The following CACNB2 variants were observed in gnomAD, a reference collection of about 807,000 sequenced individuals.
CACNB2 encodes the protein voltage-dependent L-type calcium channel subunit beta-2.
A neutral mutation model predicts 73.3 loss-of-function variants in CACNB2; 42 were observed. The observed-to-expected ratio is 0.57, with a 90% CI of 0.45 to 0.74. CACNB2 has a LOEUF of 0.74. CACNB2 is among the 30% of genes least tolerant of loss of function. CACNB2 has a pLI of 0.00. For missense variants in CACNB2, 940 were observed against 853.0 expected (o/e 1.10, Z -1.27); for synonymous variants, 348 against 310.3 (o/e 1.12, Z -1.28).
At chr10:18,248,356 GA>G (rs905129424) in intron 2 of CACNB2, among the ~76,000 whole-genome samples, 24 of 152,234 alleles carry the variant, frequency 1.6e-4, no homozygotes, top group African/African-American at 4.8e-4. Flanking sequence ...AAGAATAATG[GA>G]ATACTTCTGT....
chr10:18,334,410 A>G (rs551245365), intron 2 of CACNB2, among the ~76,000 whole-genome samples: 57 of 152,198 alleles, frequency 3.7e-4, no homozygotes, highest in African/African-American at 1.3e-3. Flanking sequence ...CTCCTCCTGC[A>G]TTTTGCCTCT....
rs563632971 is a variant in CACNB2, at chr10:18,183,827, G to A, written c.213+32852G>A. ...CTAGGAGGCCGAGTGGTACAATGGT[G>A]TAGTGGTGCATAGTACAGGTAGTTC... On this transcript the variant is annotated intron_variant, in intron 2 of 13. Transcript: ENST00000324631. Among the ~76,000 whole-genome samples the A allele has an allele frequency of 6.6e-5, 10 of 152,304 alleles. No individual in the cohort carries two copies. The East Asian group carries it at 1.9e-3, about 29-fold the overall frequency.
intron 9 of CACNB2, among the ~76,000 whole-genome samples, chr10:18,521,168 T>C (rs1345213074): frequency 6.6e-6 from 1 of 152,232 alleles, no homozygotes; most frequent in African/African-American, 2.4e-5. Context: ...AATTGAAACC[T>C]GTAGCAGTAA....
At chr10:18,341,233 G>C (rs146363841) in intron 2 of CACNB2, among the ~76,000 whole-genome samples, 1 of 152,030 alleles carries the variant, frequency 6.6e-6, no homozygotes, top group Non-Finnish European at 1.5e-5. Flanking sequence ...AGAGAGTCCC[G>C]GTGCAGACAA....
chr10:18,223,301 C>T (rs1271526162), intron 2 of CACNB2, among the ~76,000 whole-genome samples: 1 of 152,122 alleles, frequency 6.6e-6, no homozygotes, highest in Non-Finnish European at 1.5e-5. Flanking sequence ...TAAATAATTA[C>T]AACTCCACAG....
intron 2 of CACNB2, among the ~76,000 whole-genome samples, chr10:18,354,204 G>C (rs1475211427): frequency 6.6e-6 from 1 of 152,150 alleles, no homozygotes; most frequent in Non-Finnish European, 1.5e-5. Flanking sequence ...CTTAAAAATA[G>C]CAAAGCACTG....
intron 2 of CACNB2, among the ~76,000 whole-genome samples, chr10:18,267,515 A>G (rs2037865178): frequency 6.6e-6 from 1 of 152,196 alleles, no homozygotes; most frequent in Non-Finnish European, 1.5e-5. Context: ...CTGAGGCATG[A>G]GAATCACTTG....
At chr10:18,424,775 T>C (rs887030630) in intron 3 of CACNB2, among the ~76,000 whole-genome samples, 3 of 152,258 alleles carry the variant, frequency 2.0e-5, no homozygotes, top group African/African-American at 7.2e-5. Flanking sequence ...ATTAAATGTG[T>C]AAAATTCATT....
rs1393549197 is a variant in CACNB2, at chr10:18,542,889, T to G, written c.*3165T>G. On this transcript the variant is annotated 3_prime_UTR_variant, in exon 14 of 14. Transcript: ENST00000324631. ...GGAAATGTATTTAATAGTTTTTTTT[T>G]TTTTTTTTTTTGGTCATATCCATTT... The G allele has an allele frequency of 6.6e-6, 1 of 151,522 alleles. No individual in the cohort carries two copies. The highest frequency in any genetic ancestry group is 1.5e-5 in the Non-Finnish European group (1 of 67,836). The allele number at this position is 151,522 out of a possible 1,614,324, so 9.4% of individuals were successfully genotyped here. A position where few individuals can be genotyped will look rare whatever the true frequency, so the allele number is the denominator to read the frequency against.
chr10:18,177,296 C>T lies in CACNB2; in HGVS notation c.213+26321C>T, dbSNP rs534792803. ...GTAGGATCTGCAACCTATGCTTTAT[C>T]CACAGAGGGTTTTGGGATGTTCAGT... On this transcript the variant is annotated intron_variant, in intron 2 of 13. Transcript: ENST00000324631. Among the ~76,000 whole-genome samples, 62 of 152,044 alleles carry T rather than the reference C, an allele frequency of 4.1e-4. 1 individual carries two copies. The South Asian group carries it at 0.013, about 32-fold the overall frequency.
chr10:18,452,973 T>C (rs1589401674), intron 3 of CACNB2, among the ~76,000 whole-genome samples: 1 of 152,136 alleles, frequency 6.6e-6, no homozygotes, highest in South Asian at 2.1e-4. Context: ...AAATCTCATC[T>C]CCGCTGACAT....
At chr10:18,467,410 G>A (rs140260264) in intron 3 of CACNB2, among the ~76,000 whole-genome samples, 2 of 152,108 alleles carry the variant, frequency 1.3e-5, no homozygotes, top group Non-Finnish European at 2.9e-5. Context: ...AATATTTATT[G>A]GTGTCTGGTG....
chr10:18,443,032 ATAT>A (rs2046552216), intron 3 of CACNB2, among the ~76,000 whole-genome samples: 1 of 134,694 alleles, frequency 7.4e-6, no homozygotes, highest in Non-Finnish European at 1.6e-5. Context: ...ATATATATAT[ATAT>A]AAATAAGGAA....
intron 2 of CACNB2, among the ~76,000 whole-genome samples, chr10:18,331,652 C>G (rs2040812499): frequency 6.6e-6 from 1 of 152,094 alleles, no homozygotes; most frequent in South Asian, 2.1e-4. Context: ...GACTAAGTCA[C>G]TAGCCTCCCT....
intron 3 of CACNB2, among the ~76,000 whole-genome samples, chr10:18,481,369 T>C (rs7894668): frequency 0.62 from 90,043 of 146,046 alleles, 27,925 homozygotes; most frequent in South Asian, 0.79. Flanking sequence ...GCCTTAGCCT[T>C]CCGAGTAGCT....
intron 2 of CACNB2, among the ~76,000 whole-genome samples, chr10:18,151,927 T>C (rs905806746): frequency 1.3e-5 from 2 of 152,332 alleles, no homozygotes; most frequent in Non-Finnish European, 2.9e-5. Context: ...TCCATCATCA[T>C]GGCCATAGAT....
At chr10:18,422,674 G>A (rs2132732681) in intron 3 of CACNB2, among the ~76,000 whole-genome samples, 1 of 151,098 alleles carries the variant, frequency 6.6e-6, no homozygotes, top group African/African-American at 2.4e-5. Context: ...CTGGGACTGA[G>A]GAATGGCCTG....
rs1276821108 is a variant in CACNB2, at chr10:18,447,068, A to AT, written c.333+45025_333+45026insT. On this transcript the variant is annotated intron_variant, in intron 3 of 13. Transcript: ENST00000324631. ...GAGCAAGGCTCTGTCTCAAAAAAAAAAAATAAATAAATAAAAAGTTGATAG... is the reference window on the plus strand; with the variant it reads ...GAGCAAGGCTCTGTCTCAAAAAAAAATAAATAAATAAATAAAAAGTTGATAG... Among the ~76,000 whole-genome samples the AT allele has an allele frequency of 2.0e-5, 3 of 152,002 alleles. No homozygotes were observed. In the East Asian group the frequency reaches 5.8e-4, roughly 29 times the overall value.
intron 2 of CACNB2, among the ~76,000 whole-genome samples, chr10:18,203,614 A>G (rs1475016339): frequency 6.6e-6 from 1 of 152,186 alleles, no homozygotes; most frequent in Non-Finnish European, 1.5e-5. Flanking sequence ...GTATGTGTGT[A>G]TATACATAGA....
Sources: allele counts gnomAD v4.1 joint callset (sites outside exome capture counted in the v4.1 genomes callset), GRCh38; gene constraint gnomAD v4.1.1; transcripts MANE v1.5; gene names NCBI Gene and HGNC (gene_info 2026-07-23, HGNC 2026-07-21).